TRPC7: variants seen among roughly 807,000 people sequenced by gnomAD.
TRPC7 encodes the protein short transient receptor potential channel 7.
Under a neutral mutation model 90.1 loss-of-function variants are expected in TRPC7, and 42 were observed. That is an observed-to-expected ratio of 0.47 (90% CI 0.36 to 0.60). The LOEUF is 0.60. TRPC7 is among the 20% of genes least tolerant of loss of function. TRPC7 has a pLI of 0.00. For missense variants in TRPC7, 955 were observed against 1,112.3 expected, an observed-to-expected ratio of 0.86 and a Z score of 2.01; for synonymous variants, 451 against 436.3, an observed-to-expected ratio of 1.03 and a Z score of -0.42.
chr5:136,243,275 C>T (rs566165380), intron 7 of TRPC7, among the ~76,000 whole-genome samples: 21 of 151,900 alleles, frequency 1.4e-4, no homozygotes, highest in Admixed American at 1.1e-3. Context: ...TCGAAGTGGA[C>T]TCCTGAACAG....
At chr5:136,362,248 A>G (rs1425256514) in intron 1 of TRPC7, among the ~76,000 whole-genome samples, 1 of 152,174 alleles carries the variant, frequency 6.6e-6, no homozygotes, top group African/African-American at 2.4e-5. Context: ...AATCATAGTG[A>G]CTAACATTTG....
chr5:136,302,256 G>A (rs891128892), intron 3 of TRPC7, among the ~76,000 whole-genome samples: 14 of 152,178 alleles, frequency 9.2e-5, no homozygotes, highest in Non-Finnish European at 1.5e-4. Context: ...ACGCAGGGAC[G>A]CCTGCCTTGG....
intron 7 of TRPC7, among the ~76,000 whole-genome samples, chr5:136,237,165 C>T (rs1306809039): frequency 6.6e-6 from 1 of 152,192 alleles, no homozygotes; most frequent in Non-Finnish European, 1.5e-5. Flanking sequence ...CTCATCCCTT[C>T]CTTGGCCCTG....
intron 8 of TRPC7, among the ~76,000 whole-genome samples, chr5:136,230,602 C>T (rs754302717): frequency 6.6e-5 from 10 of 152,176 alleles, no homozygotes; most frequent in Admixed American, 1.3e-4. Context: ...TCAGATGCAT[C>T]GTAGTCTATT....
intron 2 of TRPC7, among the ~76,000 whole-genome samples, chr5:136,333,746 G>A (rs1271773348): frequency 6.6e-6 from 1 of 152,136 alleles, no homozygotes; most frequent in Non-Finnish European, 1.5e-5. Context: ...GAAAGTGAGA[G>A]CTCAATATGT....
chr5:136,270,044 T>C (rs534876073), intron 4 of TRPC7, among the ~76,000 whole-genome samples: 31 of 152,324 alleles, frequency 2.0e-4, no homozygotes, highest in African/African-American at 7.0e-4. Flanking sequence ...TTGACTTCTT[T>C]CTAAAAAAGT....
chr5:136,268,826 T>TC (rs1240493137), intron 4 of TRPC7, among the ~76,000 whole-genome samples: 1 of 152,246 alleles, frequency 6.6e-6, no homozygotes, highest in Non-Finnish European at 1.5e-5. Flanking sequence ...GATATTCTTT[T>TC]CCTATACTTC....
At chr5:136,244,472 C>A (rs750801201) in intron 7 of TRPC7, among the ~76,000 whole-genome samples, 2 of 152,238 alleles carry the variant, frequency 1.3e-5, no homozygotes, top group Non-Finnish European at 2.9e-5. Flanking sequence ...TAGAAGTGCA[C>A]ACTGTCAAAT....
intron 3 of TRPC7, among the ~76,000 whole-genome samples, chr5:136,315,098 C>A (rs1213898198): frequency 6.6e-6 from 1 of 152,108 alleles, no homozygotes; most frequent in Non-Finnish European, 1.5e-5. Flanking sequence ...CTTTCATATG[C>A]CTTTGGAGTG....
intron 2 of TRPC7, among the ~76,000 whole-genome samples, chr5:136,327,876 G>A (rs904008693): frequency 5.9e-5 from 9 of 152,136 alleles, no homozygotes; most frequent in African/African-American, 2.2e-4. Flanking sequence ...GAAAGCTCTG[G>A]ATGTTAAAAT....
chr5:136,276,426 C>T (rs545059061), intron 3 of TRPC7, among the ~76,000 whole-genome samples: 7 of 152,166 alleles, frequency 4.6e-5, no homozygotes, highest in African/African-American at 1.4e-4. Flanking sequence ...ACATATACAA[C>T]GATTCCTGGG....
At chr5:136,363,852 T>G (rs1448981789) in intron 1 of TRPC7, among the ~76,000 whole-genome samples, 2 of 152,208 alleles carry the variant, frequency 1.3e-5, no homozygotes, top group African/African-American at 2.4e-5. Flanking sequence ...ATCCTTATTT[T>G]CCTATTTGGA....
chr5:136,227,658 T>C (rs1755673212), intron 8 of TRPC7, among the ~76,000 whole-genome samples: 1 of 151,954 alleles, frequency 6.6e-6, no homozygotes, highest in African/African-American at 2.4e-5. Flanking sequence ...TACAAGAGAG[T>C]TGTAACAGGG....
At chr5:136,325,060 G>C (rs1216274315) in intron 2 of TRPC7, among the ~76,000 whole-genome samples, 1 of 38,160 alleles carries the variant, frequency 2.6e-5, no homozygotes, top group Non-Finnish European at 5.5e-5. Flanking sequence ...TTGACATTTA[G>C]GATGAGTTTT....
intron 1 of TRPC7, among the ~76,000 whole-genome samples, chr5:136,358,161 A>G (rs1760450839): frequency 6.6e-6 from 1 of 152,206 alleles, no homozygotes; most frequent in African/African-American, 2.4e-5. Flanking sequence ...GAATCCTGTC[A>G]CTTTCTGATG....
intron 3 of TRPC7, among the ~76,000 whole-genome samples, chr5:136,299,209 G>A (rs1181348306): frequency 6.6e-6 from 1 of 151,860 alleles, no homozygotes; most frequent in Non-Finnish European, 1.5e-5. Context: ...GCTGAGGCAG[G>A]AGAATAACTT....
At chr5:136,216,696 C>G (rs1330334477) in intron 10 of TRPC7, among the ~76,000 whole-genome samples, 2 of 152,232 alleles carry the variant, frequency 1.3e-5, no homozygotes, top group Non-Finnish European at 2.9e-5. Context: ...GCAGGCCTGC[C>G]TGGGTGGAGC....
intron 2 of TRPC7, among the ~76,000 whole-genome samples, chr5:136,324,216 C>T (rs969972088): frequency 5.3e-5 from 8 of 152,202 alleles, no homozygotes; most frequent in African/African-American, 1.9e-4. Flanking sequence ...TCTACATAGA[C>T]AAACATGTTG....
At chr5:136,338,331 T>G (rs1031833088) in intron 2 of TRPC7, among the ~76,000 whole-genome samples, 6 of 152,188 alleles carry the variant, frequency 3.9e-5, no homozygotes, top group African/African-American at 1.4e-4. Flanking sequence ...GAAAAAGGCA[T>G]ATAATTTTAT....
Sources: gnomAD v4.1 joint callset for allele counts (sites outside exome capture counted in the v4.1 genomes callset) on GRCh38, gnomAD v4.1.1 for gene constraint, MANE v1.5 for transcripts, NCBI Gene and HGNC (gene_info 2026-07-23, HGNC 2026-07-21) for gene names.